ARL15: variants seen among roughly 807,000 people sequenced by gnomAD.
ARL15 encodes ADP-ribosylation factor-like protein 15.
ARL15 carries 19 observed loss-of-function variants against 25.2 expected under a neutral mutation model. The ratio of observed to expected loss-of-function variants is 0.75; its 90% confidence interval spans 0.53 to 1.10. The LOEUF is 1.10. Among genes scored for constraint, ARL15 ranks in the 50% least tolerant of loss-of-function variants. The pLI is 0.00. For missense variants in ARL15, 220 were observed against 246.0 expected, an observed-to-expected ratio of 0.89 and a Z score of 0.71; for synonymous variants, 94 against 86.8, an observed-to-expected ratio of 1.08 and a Z score of -0.46.
chr5:53,886,527 A>C lies in ARL15; in HGVS notation c.*34T>G. The C allele has an allele frequency of 6.5e-7, 1 of 1,545,322 alleles. No individual in the cohort carries two copies. Among genetic ancestry groups the C allele is most frequent in the Non-Finnish European group, 8.7e-7 (1 of 1,145,734 alleles). On this transcript the variant is annotated 3_prime_UTR_variant, in exon 5 of 5. Coordinates refer to ENST00000504924, the MANE Select transcript of ARL15 (RefSeq NM_019087.3). ...ATGAGAAACTAACATGATAGGTTCA[A>C]GGCCTTTTGGGAGCCTGTTTTCTTT... is the stretch of plus-strand genomic sequence containing the variant.
At chr5:53,918,260 A>G (rs1257599163) in intron 4 of ARL15, among the ~76,000 whole-genome samples, 1 of 152,192 alleles carries the variant, frequency 6.6e-6, no homozygotes, top group Non-Finnish European at 1.5e-5. Flanking sequence ...ATGATAGCTC[A>G]CTGCAAATTT....
intron 4 of ARL15, among the ~76,000 whole-genome samples, chr5:53,951,157 A>C (rs1212221492): frequency 6.6e-6 from 1 of 152,256 alleles, no homozygotes; most frequent in Admixed American, 6.5e-5. Context: ...TCATTTGTTT[A>C]TATATTGTCT....
chr5:54,291,930 T>C (rs1191275981), intron 1 of ARL15, among the ~76,000 whole-genome samples: 1 of 152,186 alleles, frequency 6.6e-6, no homozygotes. Context: ...TTTGAGCCAC[T>C]CTTCAGCATC....
At chr5:54,093,227 G>C (rs1752184007) in intron 4 of ARL15, among the ~76,000 whole-genome samples, 1 of 152,136 alleles carries the variant, frequency 6.6e-6, no homozygotes, top group South Asian at 2.1e-4. Context: ...TGCCTAGGGA[G>C]TTTGCTCTGT....
chr5:53,987,118 G>C (rs1382394062), intron 4 of ARL15, among the ~76,000 whole-genome samples: 2 of 152,170 alleles, frequency 1.3e-5, no homozygotes, highest in Non-Finnish European at 2.9e-5. Context: ...CCTCCATGGT[G>C]TCTAGGCAGG....
chr5:54,300,056 T>C (rs1758575405), intron 1 of ARL15, among the ~76,000 whole-genome samples: 1 of 152,194 alleles, frequency 6.6e-6, no homozygotes, highest in African/African-American at 2.4e-5. Context: ...CAGATCATAG[T>C]GCATGACCCC....
chr5:54,049,113 A>T (rs1750626447), intron 4 of ARL15, among the ~76,000 whole-genome samples: 1 of 152,140 alleles, frequency 6.6e-6, no homozygotes, highest in African/African-American at 2.4e-5. Context: ...CTGGGTAGTA[A>T]AACAAATATC....
chr5:54,249,637 G>A (rs1262400529), intron 1 of ARL15, among the ~76,000 whole-genome samples: 3 of 137,530 alleles, frequency 2.2e-5, no homozygotes, highest in Non-Finnish European at 4.6e-5. Flanking sequence ...TCATATCTGA[G>A]AGTAAGAAAG....
intron 1 of ARL15, among the ~76,000 whole-genome samples, chr5:54,184,134 G>A (rs1271231196): frequency 8.0e-6 from 1 of 124,506 alleles, no homozygotes; most frequent in Non-Finnish European, 1.7e-5. Context: ...AGCATTGGGA[G>A]ATATACCTAA....
intron 4 of ARL15, among the ~76,000 whole-genome samples, chr5:54,001,815 C>G (rs1176926783): frequency 6.6e-6 from 1 of 152,216 alleles, no homozygotes; most frequent in Non-Finnish European, 1.5e-5. Flanking sequence ...AGCTACTGGC[C>G]TCTGGCAATC....
intron 4 of ARL15, chr5:54,067,284 CT>C (rs1751268656): frequency 6.6e-6 from 1 of 152,324 alleles, no homozygotes; most frequent in Non-Finnish European, 1.5e-5. Flanking sequence ...TTTTCAGTAT[CT>C]GCATCATTAT....
intron 3 of ARL15, among the ~76,000 whole-genome samples, chr5:54,136,992 C>T (rs762198191): frequency 6.6e-5 from 10 of 151,690 alleles, no homozygotes; most frequent in Non-Finnish European, 1.5e-4. Context: ...CTTCCAGCTA[C>T]AGATATTAAA....
At chr5:54,300,959 G>C (rs1197748750) in intron 1 of ARL15, among the ~76,000 whole-genome samples, 1 of 152,198 alleles carries the variant, frequency 6.6e-6, no homozygotes, top group Admixed American at 6.5e-5. Context: ...GAAGTCCCTT[G>C]AAGTCATGGG....
At chr5:54,095,262 C>T (rs1235061799) in intron 4 of ARL15, among the ~76,000 whole-genome samples, 1 of 152,122 alleles carries the variant, frequency 6.6e-6, no homozygotes, top group Non-Finnish European at 1.5e-5. Context: ...GCCTTTTAAA[C>T]TCTGTAATAG....
At chr5:53,907,488 A>ATATTTTTTTTTTTT (rs1360900279) in intron 4 of ARL15, among the ~76,000 whole-genome samples, 1 of 18,016 alleles carries the variant, frequency 5.6e-5, no homozygotes, top group African/African-American at 2.9e-4. Flanking sequence ...ATATATATAT[A>ATATTTTTTTTTTTT]TTTTTTTTTT....
At chr5:54,274,893 CA>C (rs555641284) in intron 1 of ARL15, among the ~76,000 whole-genome samples, 3 of 151,576 alleles carry the variant, frequency 2.0e-5, no homozygotes, top group African/African-American at 4.8e-5. Context: ...GATTCTGTCT[CA>C]AAAAAAACCT....
At chr5:53,937,619 T>C (rs1159143529) in intron 4 of ARL15, among the ~76,000 whole-genome samples, 7 of 152,320 alleles carry the variant, frequency 4.6e-5, no homozygotes, top group African/African-American at 1.7e-4. Flanking sequence ...CAGTATTCAG[T>C]ACATGTTGTA....
intron 4 of ARL15, among the ~76,000 whole-genome samples, chr5:54,010,390 A>C (rs1417326510): frequency 1.3e-5 from 2 of 152,250 alleles, no homozygotes; most frequent in Non-Finnish European, 2.9e-5. Flanking sequence ...TCCAATTGAT[A>C]CTGTCACTGC....
intron 4 of ARL15, among the ~76,000 whole-genome samples, chr5:53,977,715 A>T (rs774328052): frequency 2.0e-5 from 3 of 152,220 alleles, no homozygotes; most frequent in Non-Finnish European, 4.4e-5. Flanking sequence ...TGATGAAATT[A>T]GAGCAGAAAA....
Sources: allele counts gnomAD v4.1 joint callset (sites outside exome capture counted in the v4.1 genomes callset), GRCh38; gene constraint gnomAD v4.1.1; transcripts MANE v1.5; gene names NCBI Gene and HGNC (gene_info 2026-07-23, HGNC 2026-07-21).